RNF216: variants seen among roughly 807,000 people sequenced by gnomAD.
RNF216 encodes ring finger protein 216.
RNF216 carries 72 observed loss-of-function variants against 110.8 expected under a neutral mutation model. That is an observed-to-expected ratio of 0.65 (90% CI 0.54 to 0.79). The LOEUF (loss-of-function observed/expected upper bound fraction) is 0.79. Among genes scored for constraint, RNF216 ranks in the 30% least tolerant of loss-of-function variants. The pLI, the probability that RNF216 is intolerant of heterozygous loss-of-function variation, is 0.00. For missense variants in RNF216, 1,342 were observed against 1,141.2 expected, an observed-to-expected ratio of 1.18 and a Z score of -2.54; for synonymous variants, 495 against 407.5, an observed-to-expected ratio of 1.21 and a Z score of -2.59.
chr7:5,751,962 C>T (rs1042510729), intron 3 of RNF216, among the ~76,000 whole-genome samples: 2 of 150,416 alleles, frequency 1.3e-5, no homozygotes, highest in Admixed American at 1.3e-4. Context: ...CTGAGGGGGG[C>T]GGATCACGAG....
chr7:5,697,040 G>C (rs142439690), intron 13 of RNF216, among the ~76,000 whole-genome samples: 20 of 151,934 alleles, frequency 1.3e-4, no homozygotes, highest in African/African-American at 4.6e-4. Context: ...CACCCTCCTT[G>C]TTTTGTTCTG....
chr7:5,726,647 C>G (rs1285012614), intron 7 of RNF216, among the ~76,000 whole-genome samples: 1 of 152,020 alleles, frequency 6.6e-6, no homozygotes, highest in East Asian at 1.9e-4. Context: ...CACCTGAGGT[C>G]AGGTGTTCAA....
chr7:5,677,439 A>G (rs546471754), intron 13 of RNF216, among the ~76,000 whole-genome samples: 1 of 152,298 alleles, frequency 6.6e-6, no homozygotes, highest in African/African-American at 2.4e-5. Flanking sequence ...TCCTCTATAA[A>G]AGGAAAACAA....
In RNF216 at chr7:5,752,964, C is replaced by T. The variant is rs536794545; in HGVS notation, c.83G>A (p.Arg28Gln). ...CHRGQEWINL[R>Q]DGPITISDSS... ...GTCAGATATGGTGATGGGCCCATCTCGGAGATTGATCCACTCTACAGGAAA... is the reference window on the plus strand; with the variant it reads ...GTCAGATATGGTGATGGGCCCATCTTGGAGATTGATCCACTCTACAGGAAA... Residue 28 changes from arginine to glutamine, a missense_variant, in exon 3 of 17, where the codon CGA becomes CAA. By Grantham distance (43) the Arg-to-Gln change is conservative. Coordinates refer to ENST00000389902, the MANE Select transcript of RNF216 (RefSeq NM_207111.4). 1.2e-4 allele frequency: 196 copies of T among 1,610,824 alleles called. 1 individual carries two copies. In the South Asian group the frequency reaches 1.8e-3, roughly 15 times the overall value.
At chr7:5,715,410 T>G (rs940429480) in intron 10 of RNF216, among the ~76,000 whole-genome samples, 1 of 152,222 alleles carries the variant, frequency 6.6e-6, no homozygotes, top group African/African-American at 2.4e-5. Context: ...GAGGTTTTCG[T>G]GTTTTTTTTC....
chr7:5,775,679 G>T (rs901370375), intron 1 of RNF216, among the ~76,000 whole-genome samples: 1 of 151,942 alleles, frequency 6.6e-6, no homozygotes, highest in Non-Finnish European at 1.5e-5. Context: ...AGACCAGCCT[G>T]GCCAACACGG....
rs960074715 is a variant in RNF216, at chr7:5,620,968, C to G, written c.*1892G>C. On this transcript the variant is annotated 3_prime_UTR_variant, in exon 17 of 17. Transcript: ENST00000389902. Reference sequence around the variant, plus strand: ...GTACCGAAGACAATCCTGTTGCTGCCGCATGGAGCCTGCCTTTCCAAGGCA... The same window carrying G: ...GTACCGAAGACAATCCTGTTGCTGCGGCATGGAGCCTGCCTTTCCAAGGCA... The G allele has an allele frequency of 6.6e-6, 1 of 152,168 alleles. No homozygotes were observed. The allele number at this position is 152,168 out of a possible 1,614,324, so 9.4% of individuals were successfully genotyped here.
At chr7:5,687,931 C>T (rs1791089995) in intron 13 of RNF216, among the ~76,000 whole-genome samples, 1 of 152,184 alleles carries the variant, frequency 6.6e-6, no homozygotes, top group Admixed American at 6.5e-5. Flanking sequence ...AGGTCGTGTC[C>T]AGAATCCCGG....
At chr7:5,677,901 C>G (rs1490809689) in intron 13 of RNF216, among the ~76,000 whole-genome samples, 2 of 152,192 alleles carry the variant, frequency 1.3e-5, no homozygotes, top group Non-Finnish European at 2.9e-5. Context: ...CTTCCAGGTT[C>G]CTGGTTTACA....
intron 13 of RNF216, among the ~76,000 whole-genome samples, chr7:5,658,062 G>A (rs1218480600): frequency 1.3e-5 from 2 of 152,202 alleles, no homozygotes; most frequent in African/African-American, 4.8e-5. Flanking sequence ...ACACGGCAGG[G>A]GAGCATGCAT....
intron 1 of RNF216, among the ~76,000 whole-genome samples, chr7:5,766,059 G>GA (rs1165784346): frequency 6.6e-6 from 1 of 151,738 alleles, no homozygotes; most frequent in Non-Finnish European, 1.5e-5. Context: ...CAAGGTGGGA[G>GA]AATCACTTGA....
intron 8 of RNF216, among the ~76,000 whole-genome samples, chr7:5,723,480 T>C (rs1254585538): frequency 6.6e-6 from 1 of 151,886 alleles, no homozygotes; most frequent in Non-Finnish European, 1.5e-5. Context: ...ACCCCGTCTC[T>C]ACTAAAAACA....
chr7:5,677,815 T>C (rs1467483643), intron 13 of RNF216, among the ~76,000 whole-genome samples: 1 of 152,122 alleles, frequency 6.6e-6, no homozygotes, highest in Non-Finnish European at 1.5e-5. Flanking sequence ...TTAGAGTAAC[T>C]AAATCAGAAT....
Position 5,670,294 on chromosome 7 carries a change from G to T in RNF216, c.2062-17784C>A, listed in dbSNP as rs375677208. ...CTTTCAGGATCCATTTCCTGCACAT[G>T]CACTGCTCCCCTGAGATGACACATG... On this transcript the variant is annotated intron_variant, in intron 13 of 16. Transcript: ENST00000389902. Among the ~76,000 whole-genome samples, 9 of 152,134 alleles carry T rather than the reference G, an allele frequency of 5.9e-5. No individual in the cohort carries two copies. In the South Asian group the frequency reaches 1.9e-3, roughly 32 times the overall value.
At chr7:5,764,750 G>A (rs1489631104) in intron 1 of RNF216, among the ~76,000 whole-genome samples, 1 of 152,064 alleles carries the variant, frequency 6.6e-6, no homozygotes, top group Non-Finnish European at 1.5e-5. Flanking sequence ...CAAATTCTAT[G>A]ATCCCTTAAA....
intron 1 of RNF216, among the ~76,000 whole-genome samples, chr7:5,766,531 T>C (rs118182832): frequency 1.3e-5 from 2 of 151,792 alleles, no homozygotes; most frequent in African/African-American, 4.8e-5. Context: ...TTTCTCTCCA[T>C]CATGTGAGAA....
chr7:5,752,919 A>C lies in RNF216; in HGVS notation c.128T>G (p.Ile43Ser). ...TISDSSDEER[I>S]PMLVTPAPQQ... ...AGGAGCTGGGGTGACCAGCATTGGA[A>C]TCCTTTCCTCATCTGAGGAGTCAGA... Residue 43 changes from isoleucine (I) to serine (S), a missense_variant, in exon 3 of 17, where the codon ATT (isoleucine) becomes AGT (serine). Coordinates refer to ENST00000389902, the MANE Select transcript of RNF216 (RefSeq NM_207111.4). 1.9e-6 allele frequency: 3 copies of C among 1,611,938 alleles called. No individual in the cohort carries two copies. Among genetic ancestry groups the C allele is most frequent in the African/African-American group, 1.3e-5 (1 of 74,970 alleles).
chr7:5,735,208 A>G (rs1266564102), intron 5 of RNF216, among the ~76,000 whole-genome samples: 2 of 152,208 alleles, frequency 1.3e-5, no homozygotes, highest in Non-Finnish European at 2.9e-5. Context: ...AGGAGTCTAA[A>G]GTCGTTTCAA....
intron 15 of RNF216, among the ~76,000 whole-genome samples, chr7:5,638,220 T>C (rs1296672065): frequency 6.6e-6 from 1 of 152,254 alleles, no homozygotes; most frequent in Non-Finnish European, 1.5e-5. Context: ...TTTTCTTCCA[T>C]GTTTTAAAGT....
Sources: allele counts gnomAD v4.1 joint callset (sites outside exome capture counted in the v4.1 genomes callset), GRCh38; gene constraint gnomAD v4.1.1; transcripts MANE v1.5; gene names NCBI Gene and HGNC (gene_info 2026-07-23, HGNC 2026-07-21).